The following WDR70 variants were observed in gnomAD, a reference collection of about 807,000 sequenced individuals.
The protein encoded by WDR70 is WD repeat domain 70.
WDR70 carries 53 observed loss-of-function variants against 88.6 expected under a neutral mutation model. That is an observed-to-expected ratio of 0.60 (90% CI 0.48 to 0.75). WDR70 has a LOEUF of 0.75. Ranked by LOEUF, WDR70 falls within the 30% of genes least tolerant of loss-of-function variation. The pLI is 0.00. For synonymous variants in WDR70, 280 were observed against 270.0 expected (o/e 1.04, Z -0.36); for missense variants, 610 against 823.2 (o/e 0.74, Z 3.17).
intron 8 of WDR70, among the ~76,000 whole-genome samples, chr5:37,484,034 G>A (rs1169754938): frequency 6.6e-6 from 1 of 151,880 alleles, no homozygotes; most frequent in Non-Finnish European, 1.5e-5. Context: ...TCCTAGACGG[G>A]ATGGCGGCCG....
intron 17 of WDR70, among the ~76,000 whole-genome samples, chr5:37,738,040 A>AAAAAC (rs1554016027): frequency 6.6e-6 from 1 of 151,622 alleles, no homozygotes; most frequent in Admixed American, 6.6e-5. Context: ...AAAAAAAAAA[A>AAAAAC]AAACAAACAA....
At chr5:37,408,423 G>GATT (rs1561840871) in intron 5 of WDR70, among the ~76,000 whole-genome samples, 1 of 152,046 alleles carries the variant, frequency 6.6e-6, no homozygotes, top group African/African-American at 2.4e-5. Flanking sequence ...CCAGTGAGCC[G>GATT]ATATTGCACC....
intron 17 of WDR70, among the ~76,000 whole-genome samples, chr5:37,735,310 A>G (rs1394954445): frequency 6.6e-6 from 1 of 152,172 alleles, no homozygotes; most frequent in African/African-American, 2.4e-5. Flanking sequence ...TGATTCAGTT[A>G]TGTTTACAAA....
At chr5:37,489,146 T>C (rs1197015208) in intron 8 of WDR70, among the ~76,000 whole-genome samples, 1 of 152,238 alleles carries the variant, frequency 6.6e-6, no homozygotes, top group African/African-American at 2.4e-5. Context: ...GGTGTGGCAA[T>C]GCCAGGTGGG....
intron 11 of WDR70, among the ~76,000 whole-genome samples, chr5:37,698,966 A>G (rs1461973912): frequency 1.3e-5 from 2 of 152,218 alleles, no homozygotes; most frequent in South Asian, 4.1e-4. Flanking sequence ...CTGCTACTTG[A>G]GTTCAGAGAT....
chr5:37,697,816 A>T (rs1164116674), intron 11 of WDR70, 62 bp downstream of exon 11: 4 of 1,417,842 alleles, frequency 2.8e-6, no homozygotes, highest in Non-Finnish European at 4.0e-6. Flanking sequence ...TTTAACAAAT[A>T]TGACAATAAT....
chr5:37,675,749 A>T (rs76931244), intron 10 of WDR70, among the ~76,000 whole-genome samples: 36,625 of 151,990 alleles, frequency 0.24, 5,102 homozygotes, highest in Admixed American at 0.38. Flanking sequence ...ACTTCAAAGT[A>T]GTTTTTTCCA....
rs376151585 is a variant in WDR70, at chr5:37,479,828, G to T, written c.687-6G>T. 2 of 1,602,114 alleles carry T rather than the reference G, an allele frequency of 1.2e-6. No individual in the cohort carries two copies. The highest frequency in any genetic ancestry group is 3.5e-5 in the Admixed American group (2 of 56,836). On this transcript the variant is annotated splice_region_variant and splice_polypyrimidine_tract_variant and intron_variant, in intron 7 of 17. Coordinates refer to ENST00000265107, the MANE Select transcript of WDR70 (RefSeq NM_018034.4). ...TCTTACCAACTTTCCTTTTCTTTTC[G>T]TACAGCCATCAGATCAAGTCATTAC...
At chr5:37,702,916 A>G in intron 12 of WDR70, 33 bp from the exon 13 acceptor site, 1 of 1,585,404 alleles carries the variant, frequency 6.3e-7, no homozygotes, top group Non-Finnish European at 8.6e-7. Context: ...TGGAGGTCAT[A>G]AGCTTATACT....
At chr5:37,528,907 G>GTTT (rs140383817) in intron 9 of WDR70, among the ~76,000 whole-genome samples, 47,672 of 129,654 alleles carry the variant, frequency 0.37, 9,454 homozygotes, top group Non-Finnish European at 0.47. Context: ...GTCTAGAGGG[G>GTTT]GTTTTTTTTT....
rs750552247 is a variant in WDR70, at chr5:37,506,547, C to T, written c.841-9967C>T. The T allele has an allele frequency of 5.1e-5, 39 of 771,522 alleles. No individual in the cohort carries two copies. The East Asian group carries it at 5.6e-4, about 11-fold the overall frequency. The allele number at this position is 771,522 out of a possible 1,614,324, so 47.8% of individuals were successfully genotyped here. ...AGGTTCTTTATTCGCTAAAGTGCTC[C>T]GTGTAGTTGTAAAGTACCTCCCTCC... On this transcript the variant is annotated intron_variant, in intron 8 of 17. Coordinates refer to ENST00000265107, the MANE Select transcript of WDR70 (RefSeq NM_018034.4).
rs765272654 is a variant in WDR70, at chr5:37,697,633, CTTTG to C, written c.1093-16_1093-13del. Reference sequence around the variant, plus strand: ...TCTGAATTGAGGTGAGATATTAACACTTTGTTTGTCTTTGTGAATAGGTTCATCC... The same window carrying C: ...TCTGAATTGAGGTGAGATATTAACACTTTGTCTTTGTGAATAGGTTCATCC... On this transcript the variant is annotated intron_variant, in intron 10 of 17. Transcript: ENST00000265107. The C allele has an allele frequency of 7.9e-5, 126 of 1,598,928 alleles. No homozygotes were observed. The highest frequency in any genetic ancestry group is 1.7e-4 in the Middle Eastern group (1 of 6,058).
intron 8 of WDR70, chr5:37,506,131 C>T: frequency 8.9e-7 from 1 of 1,118,424 alleles, no homozygotes; most frequent in African/African-American, 1.5e-5. Flanking sequence ...CTTAAATTGG[C>T]CATTTTGAAG....
chr5:37,419,921 T>C lies in WDR70; in HGVS notation c.493-18001T>C, dbSNP rs538516887. Among the ~76,000 whole-genome samples, 8 of 152,360 alleles carry C rather than the reference T, an allele frequency of 5.3e-5. No homozygotes were observed. The East Asian group carries it at 1.3e-3, about 26-fold the overall frequency. On this transcript the variant is annotated intron_variant, in intron 5 of 17. Coordinates refer to ENST00000265107, the MANE Select transcript of WDR70 (RefSeq NM_018034.4). ...CTTTATTTATTGATTACATTTCTTT[T>C]TGAGATGGGGTCTCACTGTGTTGCC... is the stretch of plus-strand genomic sequence containing the variant.
At chr5:37,601,802 A>G (rs1743891421) in intron 9 of WDR70, among the ~76,000 whole-genome samples, 2 of 152,228 alleles carry the variant, frequency 1.3e-5, no homozygotes, top group Non-Finnish European at 2.9e-5. Flanking sequence ...TCATAACAGC[A>G]GAGACTTGGA....
At chr5:37,393,339 GTTA>G (rs1238192363) in intron 4 of WDR70, among the ~76,000 whole-genome samples, 3 of 152,082 alleles carry the variant, frequency 2.0e-5, no homozygotes, top group African/African-American at 7.2e-5. Context: ...CGCGCCCAGC[GTTA>G]TTATTCTTTT....
At chr5:37,396,668 TA>T (rs1749024224) in intron 5 of WDR70, 98 bp downstream of exon 5, 7 of 1,431,788 alleles carry the variant, frequency 4.9e-6, no homozygotes, top group Non-Finnish European at 6.4e-6. Context: ...AGAGCCAATT[TA>T]AAAACTGAGG....
At chr5:37,554,556 C>T (rs1053583596) in intron 9 of WDR70, among the ~76,000 whole-genome samples, 3 of 151,974 alleles carry the variant, frequency 2.0e-5, no homozygotes, top group African/African-American at 7.3e-5. Flanking sequence ...TCCCAGAAGC[C>T]TTAAAGTGGT....
chr5:37,462,756 GTAA>G (rs1739046359), intron 7 of WDR70, among the ~76,000 whole-genome samples: 1 of 151,762 alleles, frequency 6.6e-6, no homozygotes, highest in Non-Finnish European at 1.5e-5. Flanking sequence ...AAATAAAGTA[GTAA>G]TAATAATAAT....
Sources: allele counts gnomAD v4.1 joint callset (sites outside exome capture counted in the v4.1 genomes callset), GRCh38; gene constraint gnomAD v4.1.1; transcripts MANE v1.5; gene names NCBI Gene and HGNC (gene_info 2026-07-23, HGNC 2026-07-21).